Variants in AOAH observed in about 807,000 individuals in gnomAD.
The protein encoded by AOAH is acyloxyacyl hydrolase (neutrophil).
AOAH carries 64 observed loss-of-function variants against 92.2 expected under a neutral mutation model. The ratio of observed to expected loss-of-function variants is 0.69; its 90% CI spans 0.57 to 0.86. AOAH has a LOEUF of 0.86. Among genes scored for constraint, AOAH ranks in the 40% least tolerant of loss-of-function variants. The pLI, the probability that AOAH is intolerant of heterozygous loss-of-function variation, is 0.00. For missense variants in AOAH, 656 were observed against 694.6 expected (o/e 0.94, Z 0.62); for synonymous variants, 263 against 254.5 (o/e 1.03, Z -0.32).
At chr7:36,574,605 G>C (rs1788357097) in intron 13 of AOAH, among the ~76,000 whole-genome samples, 1 of 152,188 alleles carries the variant, frequency 6.6e-6, no homozygotes, top group Non-Finnish European at 1.5e-5. Context: ...GCAGCCTGCA[G>C]CCTGCATTTC....
intron 11 of AOAH, among the ~76,000 whole-genome samples, chr7:36,601,980 C>G (rs1041668741): frequency 1.3e-5 from 2 of 152,202 alleles, no homozygotes; most frequent in Non-Finnish European, 2.9e-5. Flanking sequence ...TTAAAATGTA[C>G]TACACACCAG....
At chr7:36,671,083 C>A (rs188792024) in intron 3 of AOAH, among the ~76,000 whole-genome samples, 2 of 152,154 alleles carry the variant, frequency 1.3e-5, no homozygotes, top group Non-Finnish European at 2.9e-5. Context: ...TGATCTGGTT[C>A]CCTGATCTAG....
intron 13 of AOAH, among the ~76,000 whole-genome samples, chr7:36,559,093 G>C (rs531792275): frequency 6.6e-6 from 1 of 152,362 alleles, no homozygotes; most frequent in East Asian, 1.9e-4. Flanking sequence ...CTGTAGACCA[G>C]AGCTGTTCCT....
intron 3 of AOAH, among the ~76,000 whole-genome samples, chr7:36,668,063 A>G (rs939472716): frequency 6.6e-6 from 1 of 152,182 alleles, no homozygotes; most frequent in African/African-American, 2.4e-5. Flanking sequence ...TTATTGATAT[A>G]GTTAATACCT....
At chr7:36,602,153 A>G (rs1028734919) in intron 11 of AOAH, among the ~76,000 whole-genome samples, 1 of 152,220 alleles carries the variant, frequency 6.6e-6, no homozygotes, top group African/African-American at 2.4e-5. Context: ...AATCAAATAA[A>G]AAATTCTAGC....
intron 6 of AOAH, among the ~76,000 whole-genome samples, chr7:36,623,706 C>T (rs1295145580): frequency 2.0e-5 from 3 of 152,178 alleles, no homozygotes; most frequent in African/African-American, 4.8e-5. Flanking sequence ...TATTAGCTGG[C>T]AACTTTCACT....
chr7:36,637,929 A>C lies in AOAH; in HGVS notation c.391-19T>G. ...ATGTCTCCTATAAAAACAAAGTTAG[A>C]GAACATTACAACTCATGTTTTATCT... On this transcript the variant is annotated intron_variant, in intron 4 of 20. Coordinates refer to ENST00000617537, the MANE Select transcript of AOAH (RefSeq NM_001637.4). 1.3e-6 allele frequency: 2 copies of C among 1,583,194 alleles called. No individual in the cohort carries two copies. Among genetic ancestry groups the C allele is most frequent in the Non-Finnish European group, 1.7e-6 (2 of 1,151,978 alleles).
chr7:36,694,164 C>A (rs12701522), intron 1 of AOAH, among the ~76,000 whole-genome samples: 85,240 of 151,916 alleles, frequency 0.56, 24,299 homozygotes, highest in East Asian at 0.83. Context: ...AAAAATTTAT[C>A]GCAGTTACTA....
At chr7:36,542,579 T>G (rs1474336769) in intron 15 of AOAH, among the ~76,000 whole-genome samples, 1 of 152,160 alleles carries the variant, frequency 6.6e-6, no homozygotes, top group Non-Finnish European at 1.5e-5. Flanking sequence ...CGGAGGGCAA[T>G]TTTTCAAAAT....
At chr7:36,547,701 G>A (rs1329768442) in intron 15 of AOAH, among the ~76,000 whole-genome samples, 1 of 152,094 alleles carries the variant, frequency 6.6e-6, no homozygotes, top group Admixed American at 6.5e-5. Flanking sequence ...AGGACAGATG[G>A]CATTCATACA....
Position 36,614,884 on chromosome 7 carries a change from T to G in AOAH, c.846+1496A>C, listed in dbSNP as rs1471801398. Reference sequence around the variant, plus strand: ...TGCTGTGGACTGGGGAGACAGGCCCTGGGAAGGAGAGATTCCTGGCTTACC... The same window carrying G: ...TGCTGTGGACTGGGGAGACAGGCCCGGGGAAGGAGAGATTCCTGGCTTACC... On this transcript the variant is annotated intron_variant, in intron 11 of 20. Coordinates refer to ENST00000617537, the MANE Select transcript of AOAH (RefSeq NM_001637.4). This position sits in a 1 kb window ranked among gnomAD's most constrained non-coding sequence, Gnocchi z 4.2. Among the ~76,000 whole-genome samples the G allele has an allele frequency of 6.6e-6, 1 of 152,136 alleles. No homozygotes were observed. The highest frequency in any genetic ancestry group is 2.4e-5 in the African/African-American group (1 of 41,430).
Position 36,647,118 on chromosome 7 carries a change from T to C in AOAH, c.391-9208A>G, listed in dbSNP as rs533339688. 2.3e-3 allele frequency among the ~76,000 whole-genome samples: 355 copies of C among 152,354 alleles called. 2 individuals are homozygous for C. Among genetic ancestry groups the C allele is most frequent in the African/African-American group, 8.1e-3 (337 of 41,584 alleles). The stretch of plus-strand genomic sequence containing the variant: ...AATAAAACAGCCAGACTGTCTCTGC[T>C]TTCATGGAGGTTACACCCTAACAGA... On this transcript the variant is annotated intron_variant, in intron 4 of 20. Transcript: ENST00000617537.
At chr7:36,537,712 A>C (rs1785166708) in intron 16 of AOAH, among the ~76,000 whole-genome samples, 2 of 152,012 alleles carry the variant, frequency 1.3e-5, no homozygotes, top group Admixed American at 1.3e-4. Flanking sequence ...TAGCAGAGGC[A>C]GGGTTTCACC....
intron 1 of AOAH, among the ~76,000 whole-genome samples, chr7:36,718,497 T>C (rs1584192450): frequency 6.6e-6 from 1 of 152,344 alleles, no homozygotes; most frequent in East Asian, 1.9e-4. Context: ...CACAAAATCT[T>C]GTACATGAAT....
chr7:36,541,592 T>C (rs1785427098), intron 15 of AOAH, among the ~76,000 whole-genome samples: 1 of 152,240 alleles, frequency 6.6e-6, no homozygotes, highest in Non-Finnish European at 1.5e-5. Context: ...TATGTTTGGG[T>C]GCTATGCTCA....
chr7:36,637,855 A>G lies in AOAH; in HGVS notation c.446T>C (p.Ile149Thr). 1 of 1,614,046 alleles carries G rather than the reference A, an allele frequency of 6.2e-7. No homozygotes were observed. Among genetic ancestry groups the G allele is most frequent in the Non-Finnish European group, 8.5e-7 (1 of 1,179,908 alleles). Reference sequence around the variant, plus strand: ...TTCTACGTGCTTAGTGCTTACCAGAATCGGGGACTTCTTGACAATTTGTCT... The same window carrying G: ...TTCTACGTGCTTAGTGCTTACCAGAGTCGGGGACTTCTTGACAATTTGTCT... ...KARQIVKKSP[I>T]LKYSRSGSDI... The change falls in exon 5 of 21, where the codon ATT becomes ACT. Residue 149 changes from isoleucine (I) to threonine (T), a missense_variant. Ile to Thr is a moderately conservative substitution (Grantham distance 89). Transcript: ENST00000617537.
chr7:36,668,735 C>T (rs529454563), intron 3 of AOAH, among the ~76,000 whole-genome samples: 1 of 152,338 alleles, frequency 6.6e-6, no homozygotes, highest in African/African-American at 2.4e-5. Context: ...GATCCACCTG[C>T]CTTGGCCTCC....
intron 13 of AOAH, among the ~76,000 whole-genome samples, chr7:36,551,145 C>T (rs2116339559): frequency 6.8e-6 from 1 of 147,178 alleles, no homozygotes; most frequent in East Asian, 2.0e-4. Context: ...GCGATCTTGG[C>T]TTACTGCAAT....
intron 3 of AOAH, among the ~76,000 whole-genome samples, chr7:36,666,929 A>G (rs894115369): frequency 6.6e-6 from 1 of 152,236 alleles, no homozygotes; most frequent in East Asian, 1.9e-4. Context: ...GACAGCAGAC[A>G]TTATATAATT....
Sources: allele counts gnomAD v4.1 joint callset (sites outside exome capture counted in the v4.1 genomes callset), GRCh38; gene constraint gnomAD v4.1.1; non-coding constraint Gnocchi (gnomAD v3.1); transcripts MANE v1.5; gene names NCBI Gene and HGNC (gene_info 2026-07-23, HGNC 2026-07-21).